TRAM2: variants seen among roughly 807,000 people sequenced by gnomAD.
TRAM2 encodes translocation associated membrane protein 2.
In TRAM2, 12 loss-of-function variants were observed where a neutral mutation model predicts 51.0. That is an observed-to-expected ratio of 0.24 (90% CI 0.15 to 0.38). The LOEUF (loss-of-function observed/expected upper bound fraction) is 0.38, where lower values mean the gene tolerates loss of function less well. Among genes scored for constraint, TRAM2 ranks in the 10% least tolerant of loss-of-function variants. The probability of loss-of-function intolerance (pLI) is 1.00; values close to 1 mark genes in which losing one functional copy is unlikely to be tolerated. For missense variants in TRAM2, 361 were observed against 462.0 expected (o/e 0.78, Z 2.00); for synonymous variants, 175 against 179.4 (o/e 0.98, Z 0.20).
At chr6:52,514,438 C>A (rs758301140) in intron 4 of TRAM2, among the ~76,000 whole-genome samples, 12 of 152,158 alleles carry the variant, frequency 7.9e-5, no homozygotes, top group Non-Finnish European at 1.8e-4. Flanking sequence ...GGTCTCTGTG[C>A]CTATTGAATA....
intron 2 of TRAM2, among the ~76,000 whole-genome samples, chr6:52,521,607 G>C (rs1168782388): frequency 6.6e-6 from 1 of 151,930 alleles, no homozygotes; most frequent in Non-Finnish European, 1.5e-5. Flanking sequence ...TGAGGCAGGA[G>C]AATGGCGTGA....
At chr6:52,512,655 A>C (rs1013210281) in intron 4 of TRAM2, among the ~76,000 whole-genome samples, 22 of 152,194 alleles carry the variant, frequency 1.4e-4, no homozygotes, top group African/African-American at 5.3e-4. Flanking sequence ...TCGATTCTAC[A>C]AATCCACCCA....
At chr6:52,551,672 C>G (rs1006409605) in intron 1 of TRAM2, among the ~76,000 whole-genome samples, 1 of 152,222 alleles carries the variant, frequency 6.6e-6, no homozygotes, top group Non-Finnish European at 1.5e-5. Flanking sequence ...TCTCTGCCAG[C>G]TGGCAACCTG....
chr6:52,541,246 T>C (rs570354293), intron 1 of TRAM2, among the ~76,000 whole-genome samples: 1 of 152,200 alleles, frequency 6.6e-6, no homozygotes, highest in Non-Finnish European at 1.5e-5. Context: ...CAACAACAGT[T>C]AATGTTATCG....
In TRAM2 at chr6:52,575,375, C is replaced by T. The variant is rs9395804; in HGVS notation, c.120+1421G>A. 7.1e-4 allele frequency among the ~76,000 whole-genome samples: 108 copies of T among 152,244 alleles called. No individual in the cohort carries two copies. In the East Asian group the frequency reaches 0.018, roughly 25 times the overall value. On this transcript the variant is annotated intron_variant, in intron 1 of 10. Transcript: ENST00000182527. ...AACCCAGAACAAGGTGGAGCAAGCC[C>T]GACCCAATATACCACTAGAGAGAGC...
At chr6:52,576,707 G>A in intron 1 of TRAM2, 89 bp downstream of exon 1, 2 of 1,516,622 alleles carry the variant, frequency 1.3e-6, no homozygotes, top group Non-Finnish European at 1.8e-6. Flanking sequence ...CCTCCGATCA[G>A]AGGAGGGCCC....
At chr6:52,546,608 T>C (rs552110354) in intron 1 of TRAM2, among the ~76,000 whole-genome samples, 3 of 152,294 alleles carry the variant, frequency 2.0e-5, no homozygotes, top group Non-Finnish European at 2.9e-5. Flanking sequence ...GGTGCTCAGG[T>C]CTTGTTCAGG....
intron 1 of TRAM2, among the ~76,000 whole-genome samples, chr6:52,543,755 C>T (rs763674529): frequency 2.0e-5 from 3 of 152,140 alleles, no homozygotes; most frequent in African/African-American, 2.4e-5. Flanking sequence ...GATGTGTCTG[C>T]GACATCCTGT....
rs2114054826 is a variant in TRAM2, at chr6:52,501,444, G to A, written c.*1753C>T. 1 of 152,304 alleles carries A rather than the reference G, an allele frequency of 6.6e-6. No homozygotes were observed. Among genetic ancestry groups the A allele is most frequent in the Non-Finnish European group, 1.5e-5 (1 of 68,026 alleles). 9.4% of individuals were successfully genotyped at this position (152,304 alleles called of 1,614,324 possible). A position where few individuals can be genotyped will look rare whatever the true frequency, so the allele number is the denominator to read the frequency against. Reference sequence around the variant, plus strand: ...CTAAATCCAAGGTTTGGTTTCTACTGTGATGTCAGAAAGATGACCAGTATT... The same window carrying A: ...CTAAATCCAAGGTTTGGTTTCTACTATGATGTCAGAAAGATGACCAGTATT... On this transcript the variant is annotated 3_prime_UTR_variant, in exon 11 of 11. Transcript: ENST00000182527.
intron 8 of TRAM2, 134 bp downstream of exon 8, chr6:52,505,898 A>G: frequency 7.1e-7 from 1 of 1,399,798 alleles, no homozygotes; most frequent in Non-Finnish European, 9.7e-7. Context: ...TGTTCCAGAA[A>G]AAAATAACGG....
At chr6:52,516,339 A>G (rs1484017199) in intron 3 of TRAM2, 7 of 594,806 alleles carry the variant, frequency 1.2e-5, no homozygotes, top group Non-Finnish European at 2.1e-5. Flanking sequence ...TCTCTAGCCT[A>G]TGTGTAAAGA....
intron 1 of TRAM2, among the ~76,000 whole-genome samples, chr6:52,566,793 T>C (rs1767597302): frequency 6.6e-6 from 1 of 152,136 alleles, no homozygotes; most frequent in African/African-American, 2.4e-5. Flanking sequence ...CTAGCATCCA[T>C]CTATCCCTAT....
At chr6:52,555,586 T>C (rs1300300290) in intron 1 of TRAM2, among the ~76,000 whole-genome samples, 1 of 152,188 alleles carries the variant, frequency 6.6e-6, no homozygotes, top group Admixed American at 6.5e-5. Context: ...CACACCAATA[T>C]GGTATTCTGT....
At chr6:52,532,367 T>A (rs9296681) in intron 2 of TRAM2, among the ~76,000 whole-genome samples, 3,328 of 152,282 alleles carry the variant, frequency 0.022, 122 homozygotes, top group African/African-American at 0.075. Flanking sequence ...GGGAGAAATG[T>A]AATGAAAACA....
intron 2 of TRAM2, among the ~76,000 whole-genome samples, chr6:52,531,136 A>T (rs1303393731): frequency 7.9e-5 from 12 of 151,738 alleles, no homozygotes; most frequent in Admixed American, 7.9e-4. Context: ...AAAAAAAAAA[A>T]AAAAGGTACA....
intron 9 of TRAM2, among the ~76,000 whole-genome samples, chr6:52,505,019 C>T (rs1766320100): frequency 6.6e-6 from 1 of 152,254 alleles, no homozygotes; most frequent in Non-Finnish European, 1.5e-5. Flanking sequence ...AATCACGCTA[C>T]TCCTATGACG....
intron 1 of TRAM2, among the ~76,000 whole-genome samples, chr6:52,539,399 T>C (rs1405413780): frequency 6.6e-6 from 1 of 152,108 alleles, no homozygotes; most frequent in Non-Finnish European, 1.5e-5. Flanking sequence ...CAAATAAATC[T>C]CAGCAAGTAA....
At chr6:52,571,398 C>G (rs1412323678) in intron 1 of TRAM2, among the ~76,000 whole-genome samples, 3 of 152,214 alleles carry the variant, frequency 2.0e-5, no homozygotes, top group Admixed American at 2.0e-4. Context: ...TGTTATTCTA[C>G]AAACAGTCGG....
chr6:52,551,556 T>G (rs964753725), intron 1 of TRAM2, among the ~76,000 whole-genome samples: 3 of 152,236 alleles, frequency 2.0e-5, no homozygotes, highest in Admixed American at 2.0e-4. Context: ...TCCAGGAGTC[T>G]TTCTACCTTT....
Sources: allele counts gnomAD v4.1 joint callset (sites outside exome capture counted in the v4.1 genomes callset), GRCh38; gene constraint gnomAD v4.1.1; transcripts MANE v1.5; gene names NCBI Gene and HGNC (gene_info 2026-07-23, HGNC 2026-07-21).